MCTP2: variants seen among roughly 807,000 people sequenced by gnomAD.
MCTP2 encodes the protein multiple C2 and transmembrane domain-containing protein 2.
Under a neutral mutation model 111.6 loss-of-function variants are expected in MCTP2, and 132 were observed. The ratio of observed to expected loss-of-function variants is 1.18; its 90% CI spans 1.03 to 1.37. MCTP2 has a LOEUF of 1.37. MCTP2 is among the 40% of genes most tolerant of loss of function. The pLI, the probability that MCTP2 is intolerant of heterozygous loss-of-function variation, is 0.00. For synonymous variants in MCTP2, 395 were observed against 387.7 expected, an observed-to-expected ratio of 1.02 and a Z score of -0.22; for missense variants, 1,183 against 1,067.9, an observed-to-expected ratio of 1.11 and a Z score of -1.50.
At chr15:94,398,031 A>G (rs989712622) in intron 14 of MCTP2, among the ~76,000 whole-genome samples, 1 of 152,196 alleles carries the variant, frequency 6.6e-6, no homozygotes. Context: ...CTTTCATGGG[A>G]GCCAATCAGT....
chr15:94,388,067 G>C (rs188369647), intron 14 of MCTP2, among the ~76,000 whole-genome samples: 22 of 152,332 alleles, frequency 1.4e-4, no homozygotes, highest in Admixed American at 5.9e-4. Flanking sequence ...TGGAGGATGT[G>C]AAAGTGAAAA....
chr15:94,328,419 C>T (rs139622387), intron 4 of MCTP2, among the ~76,000 whole-genome samples: 30 of 152,268 alleles, frequency 2.0e-4, no homozygotes, highest in African/African-American at 5.1e-4. Flanking sequence ...TGAGCCACCG[C>T]GCCCGGCCTA....
chr15:94,394,049 C>CAAAAAAAAAA (rs767685107), intron 14 of MCTP2, among the ~76,000 whole-genome samples: 4 of 61,736 alleles, frequency 6.5e-5, no homozygotes, highest in Non-Finnish European at 6.4e-5. Context: ...AACTCCATCT[C>CAAAAAAAAAA]AAAAAAAAAA....
intron 1 of MCTP2, among the ~76,000 whole-genome samples, chr15:94,244,739 C>T (rs948179509): frequency 6.8e-5 from 10 of 147,702 alleles, no homozygotes; most frequent in Non-Finnish European, 1.5e-4. Flanking sequence ...TATATGTATA[C>T]ACATACATAT....
chr15:94,409,473 C>G lies in MCTP2; in HGVS notation c.2085+7454C>G, dbSNP rs147958242. On this transcript the variant is annotated intron_variant, in intron 17 of 22. Coordinates refer to ENST00000357742, the MANE Select transcript of MCTP2 (RefSeq NM_001385001.1). ...ATATGAATATATATATATTCCTATTCCATTAGTTCCATCTCTCTAGATAAC... is the reference window on the plus strand; with the variant it reads ...ATATGAATATATATATATTCCTATTGCATTAGTTCCATCTCTCTAGATAAC... Among the ~76,000 whole-genome samples the G allele has an allele frequency of 4.6e-3, 695 of 152,134 alleles. 7 individuals are homozygous for G. The highest frequency in any genetic ancestry group is 0.016 in the African/African-American group (668 of 41,490).
rs553473240 is a variant in MCTP2, at chr15:94,393,174, T to A, written c.1789-5787T>A. Among the ~76,000 whole-genome samples, 12 of 152,234 alleles carry A rather than the reference T, an allele frequency of 7.9e-5. No homozygotes were observed. In the South Asian group the frequency reaches 2.5e-3, roughly 32 times the overall value. On this transcript the variant is annotated intron_variant, in intron 14 of 22. Transcript: ENST00000357742. ...ACTAAAATGTCAGTAAGATCAACATTATGAAAATAAGATTCGTGACTATAC... is the reference window on the plus strand; with the variant it reads ...ACTAAAATGTCAGTAAGATCAACATAATGAAAATAAGATTCGTGACTATAC...
chr15:94,334,250 G>A (rs141092574), intron 4 of MCTP2, among the ~76,000 whole-genome samples: 8 of 152,184 alleles, frequency 5.3e-5, no homozygotes, highest in Admixed American at 2.6e-4. Flanking sequence ...AAGATATTAC[G>A]GCATAAGGAA....
At chr15:94,289,211 TA>T (rs1200170244) in intron 1 of MCTP2, among the ~76,000 whole-genome samples, 4 of 151,988 alleles carry the variant, frequency 2.6e-5, no homozygotes, top group African/African-American at 7.3e-5. Flanking sequence ...GCTAAAAACT[TA>T]AAAAAATATT....
At chr15:94,240,236 C>A (rs2070847797) in intron 1 of MCTP2, among the ~76,000 whole-genome samples, 2 of 152,052 alleles carry the variant, frequency 1.3e-5, no homozygotes. Context: ...TCTTAGGAAC[C>A]CTATTAGATA....
intron 12 of MCTP2, 44 bp from the exon 13 acceptor site, chr15:94,383,978 C>A (rs377090402): frequency 1.4e-6 from 2 of 1,392,080 alleles, no homozygotes; most frequent in South Asian, 1.2e-5. Context: ...TTGTCCCTTT[C>A]GAGATTCACT....
At chr15:94,335,293 G>A (rs12911185) in intron 4 of MCTP2, among the ~76,000 whole-genome samples, 66,966 of 151,534 alleles carry the variant, frequency 0.44, 14,997 homozygotes, top group Admixed American at 0.52. Context: ...TGTAAAAAAA[G>A]AAAAGAATAT....
chr15:94,355,870 C>T (rs113076604), intron 8 of MCTP2: 28 of 1,003,026 alleles, frequency 2.8e-5, no homozygotes, highest in Middle Eastern at 4.7e-4. Flanking sequence ...CACCAAAGAG[C>T]GCATCTGGGT....
In MCTP2 at chr15:94,290,218, C is replaced by T. The variant is rs568127809; in HGVS notation, c.-65-7983C>T. On this transcript the variant is annotated intron_variant, in intron 1 of 22. Coordinates refer to ENST00000357742, the MANE Select transcript of MCTP2 (RefSeq NM_001385001.1). ...CCTGACAAGACCCATCTCAGACTTT[C>T]TCAGAACTGAAAAGTAATAAATTTA... Among the ~76,000 whole-genome samples, 4 of 151,620 alleles carry T rather than the reference C, an allele frequency of 2.6e-5. No homozygotes were observed. In the South Asian group the frequency reaches 8.3e-4, roughly 31 times the overall value.
chr15:94,391,363 C>A (rs2080965380), intron 14 of MCTP2, among the ~76,000 whole-genome samples: 1 of 152,072 alleles, frequency 6.6e-6, no homozygotes, highest in Non-Finnish European at 1.5e-5. Context: ...TAGGTTAATA[C>A]AGAAATTTTT....
At chr15:94,340,963 T>C in intron 7 of MCTP2, 39 bp downstream of exon 7, 16 of 1,371,160 alleles carry the variant, frequency 1.2e-5, no homozygotes, top group Non-Finnish European at 1.6e-5. Flanking sequence ...CCTCTCATTT[T>C]GTCGTTTTGA....
At chr15:94,379,141 C>T (rs116078920) in intron 12 of MCTP2, among the ~76,000 whole-genome samples, 137 of 151,528 alleles carry the variant, frequency 9.0e-4, no homozygotes, top group African/African-American at 3.3e-3. Context: ...CAACCTATTC[C>T]CCGTGCAAAG....
intron 1 of MCTP2, among the ~76,000 whole-genome samples, chr15:94,274,897 C>G (rs1355847832): frequency 6.6e-6 from 1 of 152,178 alleles, no homozygotes; most frequent in Non-Finnish European, 1.5e-5. Flanking sequence ...TATGACTACA[C>G]TCTTTCATGA....
intron 1 of MCTP2, chr15:94,274,152 ATAAT>A (rs1268240976): frequency 1.3e-5 from 2 of 159,134 alleles, no homozygotes; most frequent in Admixed American, 6.6e-5. Context: ...ATTTTGATTA[ATAAT>A]TTTATGAGTG....
chr15:94,273,275 A>C (rs1027457358), intron 1 of MCTP2, among the ~76,000 whole-genome samples: 1 of 152,242 alleles, frequency 6.6e-6, no homozygotes, highest in Non-Finnish European at 1.5e-5. Context: ...GCAACTGCAG[A>C]ATTAACCATG....
Sources: allele counts gnomAD v4.1 joint callset (sites outside exome capture counted in the v4.1 genomes callset), GRCh38; gene constraint gnomAD v4.1.1; transcripts MANE v1.5; gene names NCBI Gene and HGNC (gene_info 2026-07-23, HGNC 2026-07-21).